The following DCDC2C variants were observed in gnomAD, a reference collection of about 807,000 sequenced individuals.
DCDC2C encodes the protein doublecortin domain-containing protein 2C.
DCDC2C carries 44 observed loss-of-function variants against 45.0 expected under a neutral mutation model. That is an observed-to-expected ratio of 0.98 (90% confidence interval 0.77 to 1.26). DCDC2C has a LOEUF of 1.26. Among genes scored for constraint, DCDC2C ranks in the 50% most tolerant of loss-of-function variants. The pLI is 0.00. For missense variants in DCDC2C, 447 were observed against 468.9 expected (o/e 0.95, Z 0.43); for synonymous variants, 187 against 178.8 (o/e 1.05, Z -0.37).
chr2:3,714,410 C>T (rs903448865), intron 2 of DCDC2C, among the ~76,000 whole-genome samples: 2 of 152,104 alleles, frequency 1.3e-5, no homozygotes, highest in African/African-American at 2.4e-5. Flanking sequence ...TATAGTACAA[C>T]ATTGAGATTT....
In DCDC2C at chr2:3,778,885, G is replaced by A. The variant is rs1670431085; in HGVS notation, c.1023+1G>A. On this transcript the variant is annotated splice_donor_variant, in intron 9 of 10. Coordinates refer to ENST00000399143, the MANE Select transcript of DCDC2C (RefSeq NM_001287444.2). LOFTEE classifies it high-confidence loss of function. ...CACCCCTGATTTTGAGGGCAACAAG[G>A]TGAGTTCATTTTATTTTGTGTTTAA... 2 of 1,550,834 alleles carry A rather than the reference G, an allele frequency of 1.3e-6. No individual in the cohort carries two copies. The highest frequency in any genetic ancestry group is 1.2e-5 in the South Asian group (1 of 84,026).
chr2:3,755,667 A>G (rs1425103937), intron 6 of DCDC2C, among the ~76,000 whole-genome samples: 1 of 152,002 alleles, frequency 6.6e-6, no homozygotes, highest in Non-Finnish European at 1.5e-5. Flanking sequence ...ATATGGATGC[A>G]TATGTGTGTG....
intron 4 of DCDC2C, among the ~76,000 whole-genome samples, chr2:3,751,755 C>G (rs781506560): frequency 3.3e-5 from 5 of 152,202 alleles, no homozygotes; most frequent in Non-Finnish European, 5.9e-5. Context: ...CAGGCTCTTG[C>G]AGAAGCTCTG....
chr2:3,715,289 ACC>A (rs1057014557), intron 2 of DCDC2C, among the ~76,000 whole-genome samples: 6 of 152,090 alleles, frequency 3.9e-5, no homozygotes, highest in African/African-American at 1.4e-4. Flanking sequence ...GATTTAGAGA[ACC>A]TTTTTATATG....
chr2:3,708,577 G>A lies in DCDC2C; in HGVS notation c.316G>A (p.Ala106Thr), dbSNP rs1668128513. 6.5e-7 allele frequency: 1 copy of A among 1,548,554 alleles called. No homozygotes were observed. The highest frequency in any genetic ancestry group is 1.4e-5 in the African/African-American group (1 of 72,964). The change falls in exon 2 of 11, where the codon GCA becomes ACA. Residue 106 changes from alanine to threonine, a missense_variant. Coordinates refer to ENST00000399143, the MANE Select transcript of DCDC2C (RefSeq NM_001287444.2). ...TATTCATATAGTTCCCCGAAAACCT[G>A]CAAAGATAAGGAAGTTGAAGGAAGT... ...DYIHIVPRKP[A>T]KIRKLKEIKP...
chr2:3,760,444 A>C (rs1336819709), intron 6 of DCDC2C, among the ~76,000 whole-genome samples: 1 of 152,202 alleles, frequency 6.6e-6, no homozygotes, highest in East Asian at 1.9e-4. Flanking sequence ...CCCATCAATG[A>C]TAGACTGGAT....
intron 10 of DCDC2C, among the ~76,000 whole-genome samples, chr2:3,846,221 CTCT>C (rs1672326028): frequency 6.6e-6 from 1 of 151,396 alleles, no homozygotes; most frequent in Admixed American, 6.6e-5. Context: ...CTGTTCTTCC[CTCT>C]TCTTCTCTCC....
chr2:3,734,572 G>A lies in DCDC2C; in HGVS notation c.417-7348G>A, dbSNP rs921425905. On this transcript the variant is annotated intron_variant, in intron 3 of 10. Transcript: ENST00000399143. This position sits in a 1 kb window ranked among gnomAD's most constrained non-coding sequence, Gnocchi z 4.2. Reference sequence around the variant, plus strand: ...GGAAGTTTAGCCACAGAGAAATGCTGTGTTCTCATTAAGCAGTGGGGTCTG... The same window carrying A: ...GGAAGTTTAGCCACAGAGAAATGCTATGTTCTCATTAAGCAGTGGGGTCTG... Among the ~76,000 whole-genome samples, 9 of 152,336 alleles carry A rather than the reference G, an allele frequency of 5.9e-5. No individual in the cohort carries two copies. Among genetic ancestry groups the A allele is most frequent in the African/African-American group, 2.2e-4 (9 of 41,578 alleles).
rs141073968 is a variant in DCDC2C, at chr2:3,714,949, T to G, written c.339+6349T>G. Among the ~76,000 whole-genome samples the G allele has an allele frequency of 4.2e-4, 64 of 152,314 alleles. 1 individual carries two copies. The East Asian group carries it at 0.011, about 27-fold the overall frequency. ...AAAGTACCCTATAATTCATGCTCAT[T>G]GTAGAAAAATGAGAAAATATATGTA... On this transcript the variant is annotated intron_variant, in intron 2 of 10. Transcript: ENST00000399143.
chr2:3,822,421 A>C (rs1671713130), intron 10 of DCDC2C, among the ~76,000 whole-genome samples: 1 of 152,140 alleles, frequency 6.6e-6, no homozygotes, highest in African/African-American at 2.4e-5. Context: ...TATTTATAGT[A>C]GTCTCTTATA....
intron 6 of DCDC2C, among the ~76,000 whole-genome samples, chr2:3,756,543 A>G (rs1669722933): frequency 6.6e-6 from 1 of 152,148 alleles, no homozygotes; most frequent in South Asian, 2.1e-4. Flanking sequence ...CACTGTGTGC[A>G]CCTGGCAAGT....
chr2:3,709,833 A>G (rs1668160140), intron 2 of DCDC2C, among the ~76,000 whole-genome samples: 1 of 152,206 alleles, frequency 6.6e-6, no homozygotes, highest in Non-Finnish European at 1.5e-5. Context: ...TTAAAAGGCA[A>G]TATTTTAGGA....
At chr2:3,836,829 T>A (rs1672089064) in intron 10 of DCDC2C, among the ~76,000 whole-genome samples, 1 of 138,768 alleles carries the variant, frequency 7.2e-6, no homozygotes, top group Non-Finnish European at 1.5e-5. Flanking sequence ...GCCACTGCAC[T>A]CCAGCCTGGG....
intron 10 of DCDC2C, among the ~76,000 whole-genome samples, chr2:3,790,312 A>G (rs1166684530): frequency 2.6e-5 from 4 of 152,230 alleles, no homozygotes; most frequent in Non-Finnish European, 4.4e-5. Context: ...ATCAATTGAC[A>G]TAAATAATAT....
chr2:3,800,149 C>T (rs1232188719), intron 10 of DCDC2C, among the ~76,000 whole-genome samples: 1 of 152,190 alleles, frequency 6.6e-6, no homozygotes, highest in Non-Finnish European at 1.5e-5. Context: ...CGTCTGTCAC[C>T]ACTTTCTCTG....
chr2:3,717,922 G>A (rs1486048022), intron 2 of DCDC2C, among the ~76,000 whole-genome samples: 6 of 152,252 alleles, frequency 3.9e-5, no homozygotes, highest in Middle Eastern at 3.4e-3. Context: ...TCAATCTAAC[G>A]GCCTCTTCCT....
intron 10 of DCDC2C, among the ~76,000 whole-genome samples, chr2:3,792,482 T>C (rs1670840160): frequency 6.6e-6 from 1 of 152,212 alleles, no homozygotes; most frequent in Admixed American, 6.5e-5. Flanking sequence ...CCCCATGAGT[T>C]ACAGAGATCC....
At chr2:3,724,647 G>A (rs1017004324) in intron 2 of DCDC2C, among the ~76,000 whole-genome samples, 2 of 152,186 alleles carry the variant, frequency 1.3e-5, no homozygotes, top group African/African-American at 4.8e-5. Flanking sequence ...TAGGTTAAGT[G>A]GTTTGTCTCG....
intron 1 of DCDC2C, among the ~76,000 whole-genome samples, chr2:3,707,960 A>G (rs1229389774): frequency 1.3e-5 from 2 of 152,224 alleles, no homozygotes; most frequent in Non-Finnish European, 2.9e-5. Context: ...GGTATTATTT[A>G]TTACCCATGA....
Sources: gnomAD v4.1 joint callset for allele counts (sites outside exome capture counted in the v4.1 genomes callset) on GRCh38, gnomAD v4.1.1 for gene constraint, Gnocchi (gnomAD v3.1) non-coding constraint, MANE v1.5 for transcripts, NCBI Gene and HGNC (gene_info 2026-07-23, HGNC 2026-07-21) for gene names.